The following PCDH11Y variants were observed in gnomAD, a reference collection of about 807,000 sequenced individuals.
PCDH11Y encodes protocadherin 11 Y-linked.
For synonymous variants in PCDH11Y, 9 were observed against 83.6 expected (o/e 0.11, Z 4.87); for missense variants, 12 against 224.8 (o/e 0.05, Z 6.05).
intron 2 of PCDH11Y, among the ~76,000 whole-genome samples, chrY:5,434,477 G>A: frequency 3.1e-5 from 1 of 32,253 alleles, no homozygotes; most frequent in Non-Finnish European, 7.6e-5. Flanking sequence ...TTTTAGTATA[G>A]AAAGGAAGTG....
intron 2 of PCDH11Y, among the ~76,000 whole-genome samples, chrY:5,331,992 C>G: frequency 2.9e-5 from 1 of 33,940 alleles, no homozygotes; most frequent in African/African-American, 1.2e-4. Context: ...CGCGGTGGCT[C>G]ACGCCTGTAA....
intron 3 of PCDH11Y, chrY:5,574,263 T>A: frequency 5.7e-6 from 2 of 347,928 alleles, no homozygotes; most frequent in South Asian, 6.4e-5. Flanking sequence ...AGCTGGAGGC[T>A]GAGATCACCA....
chrY:5,384,029 C>G, intron 2 of PCDH11Y, among the ~76,000 whole-genome samples: 2 of 33,570 alleles, frequency 6.0e-5, no homozygotes, highest in Admixed American at 2.8e-4. Context: ...ACAAAAATAT[C>G]TTAATATCTC....
intron 2 of PCDH11Y, among the ~76,000 whole-genome samples, chrY:5,228,017 G>A: frequency 2.2e-4 from 7 of 31,194 alleles, no homozygotes; most frequent in African/African-American, 8.7e-4. Context: ...TTAAATGTTT[G>A]GTTGCATTCA....
intron 4 of PCDH11Y, among the ~76,000 whole-genome samples, chrY:5,692,689 T>C (rs1464768980): frequency 3.0e-5 from 1 of 33,322 alleles, no homozygotes; most frequent in Non-Finnish European, 7.4e-5. Context: ...AGGATGGTAA[T>C]ACATATTTAC....
At position 5,699,608 on chromosome Y, in the gene PCDH11Y, C is replaced by T. The variant is rs2124711720; in HGVS notation, c.3353-37664C>T. 8.9e-4 allele frequency among the ~76,000 whole-genome samples: 30 copies of T among 33,528 alleles called. No homozygotes were observed. In the East Asian group the frequency reaches 0.025, roughly 28 times the overall value. 90.0% of individuals were successfully genotyped at this position (33,528 alleles called of 37,273 possible). On this transcript the variant is annotated intron_variant, in intron 4 of 4. Coordinates refer to the PCDH11Y transcript ENST00000400457. The stretch of plus-strand genomic sequence containing the variant: ...GCCATGATCTGCCACAGCCACTGTG[C>T]GGTGCTGTGGGGAATTTCTTCCGGT...
chrY:5,622,035 G>C (rs2124702414), intron 4 of PCDH11Y, among the ~76,000 whole-genome samples: 5 of 32,715 alleles, frequency 1.5e-4, no homozygotes, highest in Non-Finnish European at 3.0e-4. Flanking sequence ...ATTGACAAAT[G>C]AGATCTAATT....
At chrY:5,038,922 G>T in intron 3 of PCDH11Y, among the ~76,000 whole-genome samples, 1 of 30,548 alleles carries the variant, frequency 3.3e-5, no homozygotes, top group African/African-American at 1.3e-4. Context: ...ACTGTCCTGG[G>T]TGCAGGCATA....
chrY:5,323,020 T>C (rs2053114746), intron 2 of PCDH11Y, among the ~76,000 whole-genome samples: 1 of 32,237 alleles, frequency 3.1e-5, no homozygotes, highest in Admixed American at 2.9e-4. Flanking sequence ...ACCATCAGGC[T>C]AAACCAAAAG....
At chrY:5,387,303 G>C (rs2053216811) in intron 2 of PCDH11Y, among the ~76,000 whole-genome samples, 9 of 33,769 alleles carry the variant, frequency 2.7e-4, no homozygotes, top group Non-Finnish European at 6.6e-4. Context: ...TGGGATTACA[G>C]GCGTGAGCCA....
chrY:5,325,367 T>G, intron 2 of PCDH11Y, among the ~76,000 whole-genome samples: 1 of 32,577 alleles, frequency 3.1e-5, no homozygotes, highest in African/African-American at 1.2e-4. Flanking sequence ...CATTAGGGGC[T>G]GTGTGGGAGC....
intron 2 of PCDH11Y, among the ~76,000 whole-genome samples, chrY:5,123,098 G>A: frequency 3.1e-5 from 1 of 32,402 alleles, no homozygotes; most frequent in Admixed American, 2.9e-4. Context: ...GGCACACTGG[G>A]GCCTCAGGAA....
chrY:5,012,912 T>G (rs2124618567), intron 1 of PCDH11Y, among the ~76,000 whole-genome samples: 1 of 27,341 alleles, frequency 3.7e-5, no homozygotes, highest in Admixed American at 3.3e-4. Context: ...TGCAGTGGTG[T>G]GATCTCGGCT....
intron 2 of PCDH11Y, among the ~76,000 whole-genome samples, chrY:5,383,958 T>C: frequency 6.0e-5 from 2 of 33,291 alleles, no homozygotes; most frequent in Non-Finnish European, 1.5e-4. Flanking sequence ...ACACTTGCTT[T>C]ATTTGTCTGC....
intron 2 of PCDH11Y, among the ~76,000 whole-genome samples, chrY:5,407,773 G>A (rs2053240897): frequency 3.2e-5 from 1 of 31,203 alleles, no homozygotes; most frequent in African/African-American, 1.3e-4. Context: ...AAAATTAGCT[G>A]GCGTGGTGGC....
chrY:5,431,634 T>TAA (rs2053269105), intron 2 of PCDH11Y, among the ~76,000 whole-genome samples: 1 of 33,563 alleles, frequency 3.0e-5, no homozygotes, highest in Admixed American at 2.8e-4. Context: ...TACAGAGTCA[T>TAA]AAACTTGACA....
chrY:5,531,305 A>C, intron 3 of PCDH11Y, among the ~76,000 whole-genome samples: 1 of 32,827 alleles, frequency 3.0e-5, no homozygotes, highest in African/African-American at 1.2e-4. Flanking sequence ...CTATTTTTTT[A>C]GTTATTCAAA....
In PCDH11Y at chrY:5,593,591, T is replaced by C; in HGVS notation, c.3352+11793T>C. 1.5e-4 allele frequency among the ~76,000 whole-genome samples: 5 copies of C among 32,552 alleles called. No individual in the cohort carries two copies. In the South Asian group the frequency reaches 3.5e-3, roughly 23 times the overall value. 87.3% of individuals were successfully genotyped at this position (32,552 alleles called of 37,273 possible). On this transcript the variant is annotated intron_variant, in intron 4 of 4. Coordinates refer to the PCDH11Y transcript ENST00000400457. ...TTGGAGGAAAGAAGACACTGTGGCT[T>C]TTAGAGTTGTCAGAGTTCTTGCACT...
At chrY:5,047,085 C>T (rs1451969081) in intron 3 of PCDH11Y, among the ~76,000 whole-genome samples, 2 of 33,907 alleles carry the variant, frequency 5.9e-5, no homozygotes, top group African/African-American at 2.2e-4. Context: ...GCGTCGCTCA[C>T]GCTGGGAGCT....
Sources: allele counts gnomAD v4.1 joint callset (sites outside exome capture counted in the v4.1 genomes callset), GRCh38; gene constraint gnomAD v4.1.1; transcripts MANE v1.5; gene names NCBI Gene and HGNC (gene_info 2026-07-23, HGNC 2026-07-21).